The following PAK4 variants were observed in gnomAD, a reference collection of about 807,000 sequenced individuals.
The protein encoded by PAK4 is serine/threonine-protein kinase PAK 4.
In PAK4, 49 loss-of-function variants were observed where a neutral mutation model predicts 53.5. The observed-to-expected ratio is 0.92, with a 90% CI of 0.73 to 1.16. The LOEUF (loss-of-function observed/expected upper bound fraction) is 1.16, where lower values mean the gene tolerates loss of function less well. Ranked by LOEUF, PAK4 falls within the 50% of genes most tolerant of loss-of-function variation. The pLI is 0.00. For synonymous variants in PAK4, 376 were observed against 375.6 expected (o/e 1.00, Z -0.01); for missense variants, 824 against 850.7 (o/e 0.97, Z 0.39).
intron 1 of PAK4, among the ~76,000 whole-genome samples, chr19:39,141,878 C>T (rs1486289075): frequency 4.6e-5 from 7 of 152,210 alleles, no homozygotes; most frequent in South Asian, 4.1e-4. Flanking sequence ...CCACCCGCCT[C>T]GGCCTCCCAA....
chr19:39,125,789 T>C (rs2145071024), upstream of PAK4: 1 of 153,406 alleles, frequency 6.5e-6, no homozygotes, highest in Middle Eastern at 3.4e-3. Flanking sequence ...AAGCCCCGGA[T>C]GTTCGTTGGG....
chr19:39,173,042 G>A lies in PAK4; in HGVS notation c.329G>A (p.Arg110His), dbSNP rs763084575. ...AGAGACAGCCCGCCGCCGCCCGCCC[G>A]TGCCCGCCAGGAAAATGGGATGCCA... is the stretch of plus-strand genomic sequence containing the variant. The change falls in exon 3 of 9, where the codon CGT (arginine) becomes CAT (histidine). Residue 110 changes from arginine to histidine, a missense_variant. This residue lies in a region of PAK4 where 478 missense variants were observed against 435.8 expected (regional missense o/e 1.10). Coordinates refer to ENST00000358301, the Ensembl canonical transcript of PAK4. This position sits in a 1 kb window ranked among gnomAD's most constrained non-coding sequence, Gnocchi z 6.9. 209 of 1,548,970 alleles carry A rather than the reference G, an allele frequency of 1.3e-4. No homozygotes were observed. Among genetic ancestry groups the A allele is most frequent in the South Asian group, 4.3e-4 (36 of 83,990 alleles).
chr19:39,154,461 C>T (rs1439732500), intron 1 of PAK4, among the ~76,000 whole-genome samples: 4 of 152,132 alleles, frequency 2.6e-5, no homozygotes, highest in South Asian at 2.1e-4. Context: ...AGTCTAGTAG[C>T]GGTTGCCTCC....
In PAK4 at chr19:39,173,784, C is replaced by T. The variant is rs1164526311; in HGVS notation, c.872C>T (p.Ser291Leu). 4 of 1,605,066 alleles carry T rather than the reference C, an allele frequency of 2.5e-6. No individual in the cohort carries two copies. Among genetic ancestry groups the T allele is most frequent in the East Asian group, 2.2e-5 (1 of 44,490 alleles). ...GTTCCTGGGCCCCCTGGCCCCCGCT[C>T]ACCACAGCGGGAGCCACAGCGAGTA... is the stretch of plus-strand genomic sequence containing the variant. Residue 291 changes from serine (S) to leucine (L), a missense_variant, in exon 4 of 9, where the codon TCA becomes TTA. Physicochemically the swap from Ser to Leu is moderately radical, Grantham distance 145 (BLOSUM62 -2). Around this residue, in one of 2 missense-constraint regions of PAK4, gnomAD observed 478 missense variants for 435.8 expected, o/e 1.10. Transcript: ENST00000358301. This position sits in a 1 kb window ranked among gnomAD's most constrained non-coding sequence, Gnocchi z 6.9.
At chr19:39,152,497 AAG>A (rs1049860656) in intron 1 of PAK4, 2 of 152,218 alleles carry the variant, frequency 1.3e-5, no homozygotes, top group Admixed American at 1.3e-4. Context: ...TTAAGTGAAA[AAG>A]GGGAAAGTAT....
In PAK4 at chr19:39,175,817, A is replaced by G. The variant is rs887827355; in HGVS notation, c.1359+379A>G. 6.6e-6 allele frequency among the ~76,000 whole-genome samples: 1 copy of G among 152,236 alleles called. No homozygotes were observed. Among genetic ancestry groups the G allele is most frequent in the Non-Finnish European group, 1.5e-5 (1 of 68,038 alleles). The stretch of plus-strand genomic sequence containing the variant: ...TTCCATGCTTTGGACTGAGGTTCCA[A>G]ATCTGAGGCTGTGACAATTATAACG... On this transcript the variant is annotated intron_variant, in intron 6 of 8. Transcript: ENST00000358301. The surrounding 1 kb of genome is among the most constrained non-coding windows in gnomAD (Gnocchi z 4.7).
chr19:39,172,229 G>A (rs1043516955), intron 2 of PAK4, among the ~76,000 whole-genome samples: 2 of 152,052 alleles, frequency 1.3e-5, no homozygotes, highest in African/African-American at 4.8e-5. Flanking sequence ...GCAGGGGGGC[G>A]GGGGTGGGGG....
chr19:39,178,353 G>A lies in PAK4; in HGVS notation c.1621-71G>A, dbSNP rs188327402. The A allele has an allele frequency of 3.8e-5, 57 of 1,508,340 alleles. No homozygotes were observed. In the Admixed American group the frequency reaches 6.6e-4, roughly 17 times the overall value. The allele number at this position is 1,508,340 out of a possible 1,614,324, so 93.4% of individuals were successfully genotyped here. A position where few individuals can be genotyped will look rare whatever the true frequency, so the allele number is the denominator to read the frequency against. ...TGCCGCCAGCCGACTTGGCAGAGGC[G>A]GACACTGCAGCCCTACAGCAAATGA... On this transcript the variant is annotated intron_variant, in intron 8 of 8. Coordinates refer to ENST00000358301, the Ensembl canonical transcript of PAK4. The surrounding 1 kb of genome is among the most constrained non-coding windows in gnomAD (Gnocchi z 4.4).
chr19:39,135,789 C>CCCCCT (rs1405565862), intron 1 of PAK4, among the ~76,000 whole-genome samples: 1 of 151,694 alleles, frequency 6.6e-6, no homozygotes, highest in African/African-American at 2.4e-5. Context: ...GCTCCCGGCC[C>CCCCCT]CCATCTTCCC....
rs538745042 is a variant in PAK4 at position 39,145,795 on chromosome 19, G to A, written c.-23+19876G>A. Among the ~76,000 whole-genome samples, 445 of 144,610 alleles carry A rather than the reference G, an allele frequency of 3.1e-3. 3 individuals carry two copies. Among genetic ancestry groups the A allele is most frequent in the African/African-American group, 0.01 (404 of 40,062 alleles). The allele number at this position is 144,610 out of a possible 152,430, so 94.9% of individuals were successfully genotyped here. ...CCCATACTGCCCTCCCCCTGCGCCC[G>A]CCCACTGCCCACCCTCACCCGCCCT... On this transcript the variant is annotated intron_variant, in intron 1 of 8. Transcript: ENST00000358301.
At chr19:39,171,555 GGGGCCCCTGGGCAAGGCCCGGCTTCA>G (rs2074479588) in intron 2 of PAK4, among the ~76,000 whole-genome samples, 1 of 152,202 alleles carries the variant, frequency 6.6e-6, no homozygotes, top group Non-Finnish European at 1.5e-5. Context: ...TTGACTTCCT[GGGGCCCCTGGGCAAGGCCCGGCTTCA>G]GGCAGACAGC....
At chr19:39,126,572 TTGTA>T (rs2073586880) in intron 1 of PAK4, among the ~76,000 whole-genome samples, 1 of 152,034 alleles carries the variant, frequency 6.6e-6, no homozygotes. Context: ...AACGCTTTAC[TTGTA>T]TGAGCTTATT....
chr19:39,147,116 TTG>T (rs578141826), intron 1 of PAK4, among the ~76,000 whole-genome samples: 91,661 of 150,766 alleles, frequency 0.61, 28,109 homozygotes, highest in East Asian at 0.82. Context: ...GACATTGACA[TTG>T]TCAGTCACAA....
At position 39,134,618 on chromosome 19, in the gene PAK4, GAC is replaced by G. The variant is rs2073776620; in HGVS notation, c.-23+8703_-23+8704del. Among the ~76,000 whole-genome samples the G allele has an allele frequency of 2.0e-5, 3 of 150,364 alleles. No homozygotes were observed. The South Asian group carries it at 6.3e-4, about 31-fold the overall frequency. On this transcript the variant is annotated intron_variant, in intron 1 of 8. Coordinates refer to ENST00000358301, the Ensembl canonical transcript of PAK4. ...TGTATAATATTCTTTTTTTTTCTTTGACACAGAGTCTCGCTCTGTCACCCAGG... is the reference window on the plus strand; with the variant it reads ...TGTATAATATTCTTTTTTTTTCTTTGACAGAGTCTCGCTCTGTCACCCAGG...
intron 1 of PAK4, among the ~76,000 whole-genome samples, chr19:39,135,413 G>A (rs2073794043): frequency 7.4e-6 from 1 of 134,264 alleles, no homozygotes; most frequent in Admixed American, 9.0e-5. Context: ...TCAGCTCACT[G>A]CAACCTCCGC....
chr19:39,172,804 C>A (rs1030072884), intron 2 of PAK4, 114 bp from the exon 4 acceptor site: 1 of 886,238 alleles, frequency 1.1e-6, no homozygotes, highest in Non-Finnish European at 1.7e-6. Context: ...CTCTTCATTG[C>A]GTCTCTGTCT....
intron 1 of PAK4, chr19:39,135,246 T>A (rs1195760149): frequency 6.6e-6 from 1 of 151,172 alleles, no homozygotes; most frequent in Non-Finnish European, 1.5e-5. Flanking sequence ...GCTGAGCCCC[T>A]CATGTTATTT....
intron 1 of PAK4, among the ~76,000 whole-genome samples, chr19:39,141,875 C>T (rs1020782334): frequency 3.9e-5 from 6 of 152,190 alleles, no homozygotes; most frequent in African/African-American, 1.4e-4. Context: ...GATCCACCCG[C>T]CTCGGCCTCC....
Position 39,173,663 on chromosome 19 carries a change from ACCCGAGC to A in PAK4, c.754_760del (p.Arg252GlufsTer115). ...CTCCTCCTCCTCCTCCCGGCCTCCCACCCGAGCCCGAGGTGCCCCCAGCCCTGGAGTG... is the reference window on the plus strand; with the variant it reads ...CTCCTCCTCCTCCTCCCGGCCTCCCACCGAGGTGCCCCCAGCCCTGGAGTG... On this transcript the variant is annotated frameshift_variant, in exon 4 of 9. Coordinates refer to ENST00000358301, the Ensembl canonical transcript of PAK4. LOFTEE classifies it high-confidence loss of function. The surrounding 1 kb of genome is among the most constrained non-coding windows in gnomAD (Gnocchi z 6.9). 6.3e-7 allele frequency: 1 copy of A among 1,576,168 alleles called. No individual in the cohort carries two copies. The highest frequency in any genetic ancestry group is 8.6e-7 in the Non-Finnish European group (1 of 1,159,360).
Sources: gnomAD v4.1 joint callset for allele counts (sites outside exome capture counted in the v4.1 genomes callset) on GRCh38, gnomAD v4.1.1 for gene constraint, gnomAD v4.1.1 regional missense constraint, Gnocchi (gnomAD v3.1) non-coding constraint, MANE v1.5 for transcripts, NCBI Gene and HGNC (gene_info 2026-07-23, HGNC 2026-07-21) for gene names.